DYNC2H1: variants seen among roughly 807,000 people sequenced by gnomAD.
The protein encoded by DYNC2H1 is dynein cytoplasmic 2 heavy chain 1, also known as cytoplasmic dynein 2 heavy chain 1.
A neutral mutation model predicts 570.0 loss-of-function variants in DYNC2H1; 410 were observed. The observed-to-expected ratio is 0.72, with a 90% confidence interval of 0.66 to 0.78. The LOEUF is 0.78. Ranked by LOEUF, DYNC2H1 falls within the 30% of genes least tolerant of loss-of-function variation. The pLI, the probability that DYNC2H1 is intolerant of heterozygous loss-of-function variation, is 0.00. For synonymous variants in DYNC2H1, 1,688 were observed against 1,677.6 expected, an observed-to-expected ratio of 1.01 and a Z score of -0.15; for missense variants, 4,865 against 5,046.4, an observed-to-expected ratio of 0.96 and a Z score of 1.09.
In DYNC2H1 at chr11:103,125,144, G is replaced by T; in HGVS notation, c.1706G>T (p.Gly569Val). Residue 569 changes from glycine (G) to valine (V), a missense_variant, in exon 12 of 89, where the codon GGA (glycine) becomes GTA (valine). By Grantham distance (109) the Gly-to-Val change is moderately radical. This residue lies in a region of DYNC2H1 where 1,936 missense variants were observed against 1,962.1 expected (regional missense o/e 0.99). Coordinates refer to ENST00000375735, the MANE Select transcript of DYNC2H1 (RefSeq NM_001377.3). ...SRIMELDSND[G>V]LLKVHYSDRL... ...ATTATGGAATTGGATTCTAATGATG[G>T]ATTACTAAAAGTGCATTATTCAGAT... The T allele has an allele frequency of 6.2e-7, 1 of 1,613,472 alleles. No homozygotes were observed. The highest frequency in any genetic ancestry group is 8.5e-7 in the Non-Finnish European group (1 of 1,179,688).
chr11:103,326,431 C>A lies in DYNC2H1; in HGVS notation c.12039+2441C>A, dbSNP rs1938484921. On this transcript the variant is annotated intron_variant, in intron 82 of 88. Transcript: ENST00000375735. The surrounding 1 kb of genome is among the most constrained non-coding windows in gnomAD (Gnocchi z 6.1). ...CCAGCCCTGTGGAGGGACGTACGAA[C>A]CGCCTCTGTGCTGGCCCACAAACCT... Among the ~76,000 whole-genome samples the A allele has an allele frequency of 6.6e-6, 1 of 152,180 alleles. No homozygotes were observed. The highest frequency in any genetic ancestry group is 2.1e-4 in the South Asian group (1 of 4,836).
At chr11:103,327,708 G>A (rs922880963) in intron 82 of DYNC2H1, among the ~76,000 whole-genome samples, 14 of 152,078 alleles carry the variant, frequency 9.2e-5, no homozygotes, top group African/African-American at 3.4e-4. Context: ...CATCTTACAG[G>A]GAGGCCAAGC....
chr11:103,149,763 T>C (rs2134861751), intron 20 of DYNC2H1, among the ~76,000 whole-genome samples: 1 of 151,842 alleles, frequency 6.6e-6, no homozygotes, highest in Non-Finnish European at 1.5e-5. Context: ...AACATACACG[T>C]GTGTGCGTGT....
Position 103,399,998 on chromosome 11 carries a change from A to G in DYNC2H1, c.12366+126A>G, listed in dbSNP as rs1480220795. 1.4e-5 allele frequency: 10 copies of G among 732,068 alleles called. No individual in the cohort carries two copies. The South Asian group carries it at 2.3e-4, about 16-fold the overall frequency. The allele number at this position is 732,068 out of a possible 1,614,324, so 45.3% of individuals were successfully genotyped here. On this transcript the variant is annotated intron_variant, in intron 84 of 88. Coordinates refer to ENST00000375735, the MANE Select transcript of DYNC2H1 (RefSeq NM_001377.3). ...CCCGAGTCACACTGGCTTAAGCCAT[A>G]TAAAAATTAATTGACTGATGTAACT...
chr11:103,186,930 T>G lies in DYNC2H1; in HGVS notation c.6894-410T>G, dbSNP rs1168134610. Among the ~76,000 whole-genome samples the G allele has an allele frequency of 1.3e-5, 2 of 152,008 alleles. No homozygotes were observed. The highest frequency in any genetic ancestry group is 2.9e-5 in the Non-Finnish European group (2 of 67,960). On this transcript the variant is annotated intron_variant, in intron 42 of 88. Coordinates refer to ENST00000375735, the MANE Select transcript of DYNC2H1 (RefSeq NM_001377.3). This position sits in a 1 kb window ranked among gnomAD's most constrained non-coding sequence, Gnocchi z 4.5. ...TCTCCTGAAATATAGGAACCATGGT[T>G]TATTATTTTCATATTTCTAGTAGGG...
Position 103,133,466 on chromosome 11 carries a change from G to A in DYNC2H1, c.1954-89G>A, listed in dbSNP as rs1859377044. On this transcript the variant is annotated intron_variant, in intron 13 of 88. Coordinates refer to ENST00000375735, the MANE Select transcript of DYNC2H1 (RefSeq NM_001377.3). The surrounding 1 kb of genome is among the most constrained non-coding windows in gnomAD (Gnocchi z 4.8). Reference sequence around the variant, plus strand: ...GCTTTCTTTGTTGCAGGTCAGAGTTGGGGATAGTTGAACTTTTGATATAGA... The same window carrying A: ...GCTTTCTTTGTTGCAGGTCAGAGTTAGGGATAGTTGAACTTTTGATATAGA... 1 of 1,243,500 alleles carries A rather than the reference G, an allele frequency of 8.0e-7. No homozygotes were observed. The highest frequency in any genetic ancestry group is 1.6e-5 in the African/African-American group (1 of 64,186). 77.0% of individuals were successfully genotyped at this position (1,243,500 alleles called of 1,614,324 possible). A position where few individuals can be genotyped will look rare whatever the true frequency, so the allele number is the denominator to read the frequency against.
At chr11:103,162,064 T>C (rs1194706478) in intron 29 of DYNC2H1, among the ~76,000 whole-genome samples, 1 of 152,206 alleles carries the variant, frequency 6.6e-6, no homozygotes, top group East Asian at 1.9e-4. Flanking sequence ...TTGTTTTTTT[T>C]CCTCTCTTGT....
At chr11:103,110,622 G>T (rs1279725459) in intron 1 of DYNC2H1, among the ~76,000 whole-genome samples, 1 of 151,888 alleles carries the variant, frequency 6.6e-6, no homozygotes, top group Non-Finnish European at 1.5e-5. Flanking sequence ...TTAAAAAATG[G>T]GTTGCATTTG....
chr11:103,304,450 G>A (rs1463497222), intron 76 of DYNC2H1, 145 bp from the exon 77 acceptor site: 10 of 875,888 alleles, frequency 1.1e-5, no homozygotes, highest in Non-Finnish European at 1.6e-5. Flanking sequence ...ATTAATTTCT[G>A]GTATTAGTTT....
chr11:103,189,635 T>G lies in DYNC2H1; in HGVS notation c.7293-37T>G, dbSNP rs777084095. On this transcript the variant is annotated intron_variant, in intron 44 of 88. Transcript: ENST00000375735. This position sits in a 1 kb window ranked among gnomAD's most constrained non-coding sequence, Gnocchi z 4.3. ...TGAAATATTAATTTGGAATACTGAT[T>G]TATTTCAGCTTTCTTCTTATATGCC... 1 of 1,596,308 alleles carries G rather than the reference T, an allele frequency of 6.3e-7. No individual in the cohort carries two copies. The highest frequency in any genetic ancestry group is 8.6e-7 in the Non-Finnish European group (1 of 1,168,858).
Position 103,120,919 on chromosome 11 carries a change from T to C in DYNC2H1, c.1249-6T>C, listed in dbSNP as rs753712960. 36 of 1,467,324 alleles carry C rather than the reference T, an allele frequency of 2.5e-5. No individual in the cohort carries two copies. The Middle Eastern group carries it at 1.9e-3, about 78-fold the overall frequency. The allele number at this position is 1,467,324 out of a possible 1,614,324, so 90.9% of individuals were successfully genotyped here. Reference sequence around the variant, plus strand: ...ATGAACATGTACTTATTTTATTTTATATTAGCTTCTTCAAGCATTCCTGAA... The same window carrying C: ...ATGAACATGTACTTATTTTATTTTACATTAGCTTCTTCAAGCATTCCTGAA... On this transcript the variant is annotated splice_region_variant and splice_polypyrimidine_tract_variant and intron_variant, in intron 8 of 88. Transcript: ENST00000375735.
intron 40 of DYNC2H1, 66 bp from the exon 41 acceptor site, chr11:103,184,830 A>G: frequency 6.4e-7 from 1 of 1,559,508 alleles, no homozygotes; most frequent in Non-Finnish European, 8.8e-7. Flanking sequence ...ATCAGTCTGT[A>G]TGGTTCTATG....
At chr11:103,192,053 A>G (rs1862338098) in intron 46 of DYNC2H1, 44 bp from the exon 47 acceptor site, 7 of 1,354,240 alleles carry the variant, frequency 5.2e-6, no homozygotes, top group Non-Finnish European at 6.9e-6. Flanking sequence ...CATATTATTT[A>G]AAAATCATTA....
chr11:103,442,511 C>T (rs954870701), intron 85 of DYNC2H1, among the ~76,000 whole-genome samples: 7 of 152,158 alleles, frequency 4.6e-5, no homozygotes, highest in Non-Finnish European at 8.8e-5. Context: ...TCAGCAGTAA[C>T]AGCTGATAAA....
Position 103,186,620 on chromosome 11 carries a change from T to C in DYNC2H1, c.6893+119T>C. ...GTAGCATTTACATTTTCATGGAAGA[T>C]TCATTTTATTTTCATTACTTATAAA... On this transcript the variant is annotated intron_variant, in intron 42 of 88. Transcript: ENST00000375735. The surrounding 1 kb of genome is among the most constrained non-coding windows in gnomAD (Gnocchi z 4.5). 5 of 1,309,456 alleles carry C rather than the reference T, an allele frequency of 3.8e-6. No individual in the cohort carries two copies. The highest frequency in any genetic ancestry group is 5.1e-6 in the Non-Finnish European group (5 of 985,884). 81.1% of individuals were successfully genotyped at this position (1,309,456 alleles called of 1,614,324 possible). A position where few individuals can be genotyped will look rare whatever the true frequency, so the allele number is the denominator to read the frequency against.
intron 25 of DYNC2H1, 37 bp from the exon 26 acceptor site, chr11:103,156,351 G>A (rs761221795): frequency 9.7e-6 from 15 of 1,551,740 alleles, no homozygotes; most frequent in African/African-American, 1.4e-5. Context: ...GAAAATTAAT[G>A]TTGAAGTAAT....
chr11:103,188,301 T>G (rs553879785), intron 43 of DYNC2H1, among the ~76,000 whole-genome samples, 196 bp from the exon 44 acceptor site: 6 of 152,164 alleles, frequency 3.9e-5, no homozygotes, highest in African/African-American at 1.4e-4. Flanking sequence ...TTAGCTAACA[T>G]TCATAGAACA....
In DYNC2H1 at chr11:103,135,536, G is replaced by A; in HGVS notation, c.2247G>A (p.Trp749Ter). 3 of 1,602,398 alleles carry A rather than the reference G, an allele frequency of 1.9e-6. No individual in the cohort carries two copies. Among genetic ancestry groups the A allele is most frequent in the Non-Finnish European group, 2.6e-6 (3 of 1,175,668 alleles). Residue 749 changes from tryptophan (W) to a stop codon, truncating the protein, a stop_gained, in exon 16 of 89, where the codon TGG becomes TGA. Transcript: ENST00000375735. LOFTEE classifies it high-confidence loss of function. Reference protein sequence around the residue: ...ASDMHAWKQHWNHQLYKALEH... With the variant: ...ASDMHAWKQH ...ACATGCATGCATGGAAACAACACTG[G>A]AATCATCAACTGTACAAAGCTCTGG... is the stretch of plus-strand genomic sequence containing the variant.
Position 103,254,503 on chromosome 11 carries a change from G to T in DYNC2H1, c.10207-912G>T, listed in dbSNP as rs1295383655. Among the ~76,000 whole-genome samples the T allele has an allele frequency of 6.6e-6, 1 of 152,192 alleles. No homozygotes were observed. Among genetic ancestry groups the T allele is most frequent in the Non-Finnish European group, 1.5e-5 (1 of 68,038 alleles). On this transcript the variant is annotated intron_variant, in intron 66 of 88. Transcript: ENST00000375735. The surrounding 1 kb of genome is among the most constrained non-coding windows in gnomAD (Gnocchi z 4.9). ...ATACAATGTACATACCATACAACTT[G>T]CTGATTTAAAATGTATAATTCAATG...
Sources: allele counts gnomAD v4.1 joint callset (sites outside exome capture counted in the v4.1 genomes callset), GRCh38; gene constraint gnomAD v4.1.1; regional missense constraint gnomAD v4.1.1; non-coding constraint Gnocchi (gnomAD v3.1); transcripts MANE v1.5; gene names NCBI Gene and HGNC (gene_info 2026-07-23, HGNC 2026-07-21).